Variants in PTGER3 observed in about 807,000 individuals in gnomAD.
PTGER3 encodes the protein prostaglandin E receptor 3.
Under a neutral mutation model 34.7 loss-of-function variants are expected in PTGER3, and 22 were observed. The observed-to-expected ratio is 0.63, with a 90% confidence interval of 0.45 to 0.91. The LOEUF is 0.91. Ranked by LOEUF, PTGER3 falls within the 40% of genes least tolerant of loss-of-function variation. The pLI, the probability that PTGER3 is intolerant of heterozygous loss-of-function variation, is 0.00. For missense variants in PTGER3, 468 were observed against 519.4 expected (o/e 0.90, Z 0.96); for synonymous variants, 241 against 230.1 (o/e 1.05, Z -0.43).
chr1:71,011,876 C>T lies in PTGER3; in HGVS notation c.1077+429G>A, dbSNP rs1219721223. 5 of 1,045,954 alleles carry T rather than the reference C, an allele frequency of 4.8e-6. No individual in the cohort carries two copies. The South Asian group carries it at 1.1e-4, about 24-fold the overall frequency. 64.8% of individuals were successfully genotyped at this position (1,045,954 alleles called of 1,614,324 possible). On this transcript the variant is annotated intron_variant, in intron 2 of 3. Coordinates refer to ENST00000306666, the MANE Select transcript of PTGER3 (RefSeq NM_198719.2). ...CTTCAATGATGTATGTGGTTAAATT[C>T]CTCATGTATTCAGTGTACTGGAATA... is the stretch of plus-strand genomic sequence containing the variant.
chr1:70,975,968 T>C (rs189705622), intron 2 of PTGER3, among the ~76,000 whole-genome samples: 12 of 152,306 alleles, frequency 7.9e-5, no homozygotes, highest in Admixed American at 7.2e-4. Context: ...CTTCCTGCTA[T>C]TATGCTGCTT....
At chr1:70,949,407 A>G (rs1389364385), downstream of PTGER3, among the ~76,000 whole-genome samples, 2 of 152,186 alleles carry the variant, frequency 1.3e-5, no homozygotes, top group Non-Finnish European at 2.9e-5. Flanking sequence ...AATACTTGAG[A>G]CACTGAACAG....
intron 2 of PTGER3, among the ~76,000 whole-genome samples, chr1:70,981,276 T>C (rs1654233586): frequency 1.3e-5 from 2 of 151,944 alleles, no homozygotes; most frequent in Non-Finnish European, 2.9e-5. Flanking sequence ...TTTTTCCTTT[T>C]CTTTTCTCTC....
intron 2 of PTGER3, among the ~76,000 whole-genome samples, chr1:70,977,136 T>C (rs1333920359): frequency 6.6e-6 from 1 of 152,142 alleles, no homozygotes; most frequent in Non-Finnish European, 1.5e-5. Flanking sequence ...GGTGTTGATC[T>C]TCCAATTTGA....
intron 2 of PTGER3, among the ~76,000 whole-genome samples, chr1:70,977,056 T>C (rs908267270): frequency 6.6e-6 from 1 of 152,312 alleles, no homozygotes; most frequent in African/African-American, 2.4e-5. Context: ...TAAGCTGTGT[T>C]ACAGGATATT....
chr1:70,972,947 A>C (rs541074453), intron 3 of PTGER3, among the ~76,000 whole-genome samples: 73 of 152,206 alleles, frequency 4.8e-4, no homozygotes, highest in Non-Finnish European at 9.0e-4. Flanking sequence ...CATAGAGAAC[A>C]GGGCTTATTT....
At chr1:70,964,018 CT>C (rs1652246317) in intron 2 of PTGER3, among the ~76,000 whole-genome samples, 1 of 152,184 alleles carries the variant, frequency 6.6e-6, no homozygotes, top group South Asian at 2.1e-4. Flanking sequence ...CCGTCAGTCT[CT>C]TTGCTAAAGC....
chr1:71,008,759 TA>T, intron 2 of PTGER3: 1 of 966,130 alleles, frequency 1.0e-6, no homozygotes, highest in Non-Finnish European at 1.2e-6. Context: ...AAACAAGCAA[TA>T]AACAAGCAGC....
intron 4 of PTGER3, among the ~76,000 whole-genome samples, chr1:70,879,483 A>G (rs1646341977): frequency 6.6e-6 from 1 of 152,106 alleles, no homozygotes. Flanking sequence ...CCCAAACTCT[A>G]ATGATCATCC....
At chr1:70,987,140 G>A (rs1405785075) in intron 2 of PTGER3, among the ~76,000 whole-genome samples, 2 of 152,142 alleles carry the variant, frequency 1.3e-5, no homozygotes, top group East Asian at 3.8e-4. Flanking sequence ...AACAAATATG[G>A]TTATGGTTCT....
intron 1 of PTGER3, among the ~76,000 whole-genome samples, chr1:71,039,649 C>CAAAAAAAA (rs1183485427): frequency 2.3e-3 from 120 of 52,400 alleles, no homozygotes; most frequent in Non-Finnish European, 3.6e-3. Context: ...GACTCTGTCT[C>CAAAAAAAA]AAAAAAAAAA....
chr1:70,866,885 G>A (rs1285947435), intron 4 of PTGER3, among the ~76,000 whole-genome samples: 1 of 152,164 alleles, frequency 6.6e-6, no homozygotes, highest in African/African-American at 2.4e-5. Context: ...TCTCTGCTCC[G>A]AATGCCTTAC....
At chr1:71,042,465 T>C (rs1402963765) in intron 1 of PTGER3, among the ~76,000 whole-genome samples, 1 of 152,060 alleles carries the variant, frequency 6.6e-6, no homozygotes, top group Non-Finnish European at 1.5e-5. Context: ...AAATTCTGCT[T>C]TTCTGAACAG....
At chr1:70,991,171 ACT>A (rs1432154235) in intron 2 of PTGER3, among the ~76,000 whole-genome samples, 2 of 151,970 alleles carry the variant, frequency 1.3e-5, no homozygotes, top group South Asian at 2.1e-4. Flanking sequence ...AAAACAAGAC[ACT>A]CTGCAAGGAT....
intron 2 of PTGER3, among the ~76,000 whole-genome samples, chr1:70,976,007 A>G (rs966085106): frequency 2.6e-5 from 4 of 152,082 alleles, no homozygotes; most frequent in Non-Finnish European, 5.9e-5. Context: ...TGCTTTAACT[A>G]AGGAAATGCC....
intron 2 of PTGER3, among the ~76,000 whole-genome samples, chr1:71,004,850 C>T (rs1302403462): frequency 1.3e-5 from 2 of 152,232 alleles, no homozygotes; most frequent in African/African-American, 4.8e-5. Flanking sequence ...GGCAGCACCA[C>T]ATTTTTGTGC....
intron 4 of PTGER3, among the ~76,000 whole-genome samples, chr1:70,901,317 A>T (rs1481036571): frequency 6.6e-6 from 1 of 152,192 alleles, no homozygotes; most frequent in Non-Finnish European, 1.5e-5. Context: ...TGTTATGTGG[A>T]GGTTGGATAT....
chr1:70,986,442 G>A (rs959615967), intron 2 of PTGER3, among the ~76,000 whole-genome samples: 2 of 152,068 alleles, frequency 1.3e-5, no homozygotes, highest in Non-Finnish European at 2.9e-5. Flanking sequence ...ATGAGGGGAC[G>A]AGCCTAAGGC....
intron 4 of PTGER3, among the ~76,000 whole-genome samples, chr1:70,921,799 T>C (rs1295928831): frequency 6.6e-6 from 1 of 152,214 alleles, no homozygotes; most frequent in Non-Finnish European, 1.5e-5. Context: ...GTTTAATTCC[T>C]GGCTTGGAAA....
Sources: allele counts gnomAD v4.1 joint callset (sites outside exome capture counted in the v4.1 genomes callset), GRCh38; gene constraint gnomAD v4.1.1; transcripts MANE v1.5; gene names NCBI Gene and HGNC (gene_info 2026-07-23, HGNC 2026-07-21).